CMPK1: variants seen among roughly 807,000 people sequenced by gnomAD.
The protein encoded by CMPK1 is cytidine/uridine monophosphate kinase 1.
A neutral mutation model predicts 25.7 loss-of-function variants in CMPK1; 10 were observed. That is an observed-to-expected ratio of 0.39 (90% CI 0.24 to 0.66). The LOEUF (loss-of-function observed/expected upper bound fraction) is 0.66. Ranked by LOEUF, CMPK1 falls within the 30% of genes least tolerant of loss-of-function variation. CMPK1 has a pLI of 0.48. For missense variants in CMPK1, 199 were observed against 280.5 expected (o/e 0.71, Z 2.08); for synonymous variants, 106 against 101.5 (o/e 1.04, Z -0.27).
intron 1 of CMPK1, among the ~76,000 whole-genome samples, chr1:47,350,243 GT>G (rs568216030): frequency 1.3e-5 from 2 of 149,804 alleles, no homozygotes; most frequent in Non-Finnish European, 3.0e-5. Flanking sequence ...TCCACCTACT[GT>G]TTTTTTTTCT....
intron 1 of CMPK1, among the ~76,000 whole-genome samples, chr1:47,353,395 A>G (rs901780665): frequency 6.6e-6 from 1 of 152,112 alleles, no homozygotes; most frequent in African/African-American, 2.4e-5. Context: ...CTGTGTTACT[A>G]TATTATACTT....
chr1:47,352,975 A>G (rs1646533448), intron 1 of CMPK1, among the ~76,000 whole-genome samples: 1 of 152,340 alleles, frequency 6.6e-6, no homozygotes, highest in Middle Eastern at 3.4e-3. Flanking sequence ...TTTCAAGCCA[A>G]ATGATGATTT....
At chr1:47,374,393 A>G (rs1646694984) in intron 3 of CMPK1, among the ~76,000 whole-genome samples, 1 of 151,882 alleles carries the variant, frequency 6.6e-6, no homozygotes, top group Non-Finnish European at 1.5e-5. Context: ...TCTTCTTCCA[A>G]CCCCCCAAAA....
At chr1:47,370,136 C>G (rs137891635) in intron 2 of CMPK1, among the ~76,000 whole-genome samples, 1,561 of 150,342 alleles carry the variant, frequency 0.01, 35 homozygotes, top group African/African-American at 0.037. Context: ...CCAGGATGGT[C>G]TCCATCTCCT....
At chr1:47,353,523 TATC>T (rs1434783232) in intron 1 of CMPK1, among the ~76,000 whole-genome samples, 1 of 152,222 alleles carries the variant, frequency 6.6e-6, no homozygotes, top group African/African-American at 2.4e-5. Flanking sequence ...TGCTATTCTC[TATC>T]ATGATTTAGT....
At chr1:47,338,362 T>A (rs1646414519) in intron 1 of CMPK1, among the ~76,000 whole-genome samples, 1 of 152,220 alleles carries the variant, frequency 6.6e-6, no homozygotes, top group Non-Finnish European at 1.5e-5. Flanking sequence ...CCTGGAGACC[T>A]AGAGAAGGTA....
At chr1:47,342,649 C>CTTTTTTTTTTT (rs11334963) in intron 1 of CMPK1, among the ~76,000 whole-genome samples, 119 of 116,390 alleles carry the variant, frequency 1.0e-3, no homozygotes, top group Non-Finnish European at 1.3e-3. Context: ...TCTCTTTTTT[C>CTTTTTTTTTTT]TTTTTTTTTT....
At chr1:47,362,222 G>A (rs534200029) in intron 1 of CMPK1, among the ~76,000 whole-genome samples, 1 of 139,156 alleles carries the variant, frequency 7.2e-6, no homozygotes, top group Non-Finnish European at 1.5e-5. Flanking sequence ...TAGGCTGGAC[G>A]GCAGTGGCAC....
chr1:47,339,777 G>A (rs1054662693), intron 1 of CMPK1, among the ~76,000 whole-genome samples: 6 of 143,038 alleles, frequency 4.2e-5, no homozygotes, highest in Admixed American at 2.2e-4. Flanking sequence ...GCATGATCTC[G>A]GCTCACCGCA....
chr1:47,363,487 A>ATGG (rs912454952), intron 1 of CMPK1, among the ~76,000 whole-genome samples: 8 of 152,002 alleles, frequency 5.3e-5, no homozygotes, highest in Admixed American at 5.2e-4. Context: ...TTTGCTGCGC[A>ATGG]TGGTGGCGGC....
intron 2 of CMPK1, among the ~76,000 whole-genome samples, chr1:47,371,944 A>T (rs1242109011): frequency 2.0e-5 from 3 of 152,192 alleles, no homozygotes; most frequent in Admixed American, 2.0e-4. Context: ...TACTCAAGGC[A>T]TAAATCTGGG....
At chr1:47,366,377 G>T (rs1043499243) in intron 1 of CMPK1, among the ~76,000 whole-genome samples, 3 of 152,166 alleles carry the variant, frequency 2.0e-5, no homozygotes, top group Non-Finnish European at 4.4e-5. Flanking sequence ...ATCTATTCTT[G>T]CTTTCCTCAA....
chr1:47,348,332 C>A (rs1275104650), intron 1 of CMPK1, among the ~76,000 whole-genome samples: 1 of 152,088 alleles, frequency 6.6e-6, no homozygotes, highest in African/African-American at 2.4e-5. Context: ...AGCCCAATTG[C>A]CATATGAAAA....
At chr1:47,354,493 A>G (rs186567846) in intron 1 of CMPK1, among the ~76,000 whole-genome samples, 5 of 152,162 alleles carry the variant, frequency 3.3e-5, no homozygotes, top group African/African-American at 1.2e-4. Flanking sequence ...TCCTTATGTA[A>G]TCACTTGTCA....
intron 1 of CMPK1, among the ~76,000 whole-genome samples, chr1:47,346,126 T>C (rs762978264): frequency 2.6e-5 from 4 of 151,990 alleles, no homozygotes; most frequent in Non-Finnish European, 5.9e-5. Context: ...CTTGGCTCAC[T>C]GCAACCTCTG....
At chr1:47,365,061 G>A (rs561031015) in intron 1 of CMPK1, among the ~76,000 whole-genome samples, 11 of 152,154 alleles carry the variant, frequency 7.2e-5, no homozygotes, top group Middle Eastern at 6.8e-3. Context: ...GTACCTGGCC[G>A]TACCCAATAG....
intron 1 of CMPK1, among the ~76,000 whole-genome samples, chr1:47,359,949 T>C (rs1331426579): frequency 1.3e-5 from 2 of 152,232 alleles, no homozygotes; most frequent in Non-Finnish European, 2.9e-5. Context: ...AACTGATTCC[T>C]AGGCTTTTAG....
intron 2 of CMPK1, among the ~76,000 whole-genome samples, chr1:47,369,718 T>A (rs896946373): frequency 4.0e-5 from 6 of 148,288 alleles, no homozygotes; most frequent in African/African-American, 1.3e-4. Context: ...TGCACCACCA[T>A]GCCCAGCTAA....
chr1:47,375,363 C>A, intron 5 of CMPK1, 70 bp downstream of exon 5: 2 of 1,088,634 alleles, frequency 1.8e-6, no homozygotes, highest in Non-Finnish European at 2.7e-6. Flanking sequence ...TTGGGGTAAG[C>A]AGGAAAAAAA....
Sources: allele counts gnomAD v4.1 joint callset (sites outside exome capture counted in the v4.1 genomes callset), GRCh38; gene constraint gnomAD v4.1.1; transcripts MANE v1.5; gene names NCBI Gene and HGNC (gene_info 2026-07-23, HGNC 2026-07-21).